Variants in LRRK2 observed in about 807,000 individuals in gnomAD.
LRRK2 encodes leucine rich repeat kinase 2.
Under a neutral mutation model 302.6 loss-of-function variants are expected in LRRK2, and 203 were observed. The ratio of observed to expected loss-of-function variants is 0.67; its 90% confidence interval spans 0.60 to 0.75. The LOEUF (loss-of-function observed/expected upper bound fraction) is 0.75, where lower values mean the gene tolerates loss of function less well. Ranked by LOEUF, LRRK2 falls within the 30% of genes least tolerant of loss-of-function variation. The probability of loss-of-function intolerance (pLI) is 0.00; values close to 1 mark genes in which losing one functional copy is unlikely to be tolerated. For missense variants in LRRK2, 2,830 were observed against 2,951.0 expected, an observed-to-expected ratio of 0.96 and a Z score of 0.95; for synonymous variants, 1,066 against 1,031.9, an observed-to-expected ratio of 1.03 and a Z score of -0.63.
At chr12:40,268,883 T>G (rs1943126455) in intron 14 of LRRK2, among the ~76,000 whole-genome samples, 1 of 152,014 alleles carries the variant, frequency 6.6e-6, no homozygotes, top group Non-Finnish European at 1.5e-5. Context: ...GGGAGGAAAA[T>G]AGATTACTCA....
intron 13 of LRRK2, among the ~76,000 whole-genome samples, 154 bp downstream of exon 13, chr12:40,259,758 T>G (rs948166923): frequency 6.6e-6 from 1 of 152,172 alleles, no homozygotes; most frequent in African/African-American, 2.4e-5. Flanking sequence ...TTAAATATGA[T>G]GCAGAAGAGT....
chr12:40,301,360 G>T (rs893567343), intron 25 of LRRK2, among the ~76,000 whole-genome samples: 6 of 152,092 alleles, frequency 3.9e-5, no homozygotes, highest in African/African-American at 1.4e-4. Flanking sequence ...GGAGTCAGAG[G>T]TTGCAGTGAG....
chr12:40,274,610 T>C lies in LRRK2; in HGVS notation c.1684T>C (p.Cys562Arg). 6.2e-7 allele frequency: 1 copy of C among 1,613,894 alleles called. No homozygotes were observed. The highest frequency in any genetic ancestry group is 8.5e-7 in the Non-Finnish European group (1 of 1,179,864). The change falls in exon 15 of 51, where the codon TGT becomes CGT. Residue 562 changes from cysteine (C) to arginine (R), a missense_variant. Transcript: ENST00000298910. The part of the protein sequence containing the change: ...RFIGNPGIQK[C>R]GLKVISSIVH... ...CATTGGAAATCCTGGGATTCAGAAATGTGGATTAAAAGTAATTTCTTCTAT... is the reference window on the plus strand; with the variant it reads ...CATTGGAAATCCTGGGATTCAGAAACGTGGATTAAAAGTAATTTCTTCTAT...
At chr12:40,328,500 T>C in intron 39 of LRRK2, 40 bp downstream of exon 39, 1 of 1,425,036 alleles carries the variant, frequency 7.0e-7, no homozygotes, top group Non-Finnish European at 9.8e-7. Context: ...AATTGCACAT[T>C]ATTAATCTAC....
At chr12:40,243,404 A>G in intron 6 of LRRK2, 146 bp from the exon 7 acceptor site, 2 of 814,326 alleles carry the variant, frequency 2.5e-6, no homozygotes, top group Non-Finnish European at 4.0e-6. Context: ...TATTTTTTAC[A>G]GCTACTTAAA....
chr12:40,319,948 A>G, intron 33 of LRRK2, 40 bp from the exon 34 acceptor site: 1 of 1,567,424 alleles, frequency 6.4e-7, no homozygotes, highest in Non-Finnish European at 8.7e-7. Flanking sequence ...ACATTTCAGA[A>G]AATAAATTTT....
At position 40,310,437 on chromosome 12, in the gene LRRK2, G is replaced by T. The variant is rs281865048; in HGVS notation, c.4324G>T (p.Ala1442Ser). 4 of 1,612,824 alleles carry T rather than the reference G, an allele frequency of 2.5e-6. No homozygotes were observed. Among genetic ancestry groups the T allele is most frequent in the Non-Finnish European group, 3.4e-6 (4 of 1,179,698 alleles). The change falls in exon 31 of 51, where the codon GCT becomes TCT. Residue 1442 changes from alanine (A) to serine (S), a missense_variant. Coordinates refer to ENST00000298910, the MANE Select transcript of LRRK2 (RefSeq NM_198578.4). ...TTTGTGTCTTTCCCTCCAGGCTCGC[G>T]CTTCTTCTTCCCCTGTGATTCTCGT... ...KPWLFNIKAR[A>S]SSSPVILVGT...
chr12:40,315,767 G>T (rs1945196439), intron 33 of LRRK2, among the ~76,000 whole-genome samples: 1 of 151,282 alleles, frequency 6.6e-6, no homozygotes, highest in African/African-American at 2.4e-5. Context: ...GATGGCCTTG[G>T]TTATAGCTAT....
intron 14 of LRRK2, among the ~76,000 whole-genome samples, chr12:40,268,545 T>C (rs1208938297): frequency 6.6e-6 from 1 of 152,168 alleles, no homozygotes; most frequent in Admixed American, 6.6e-5. Context: ...GATACATCTT[T>C]TTTGATGAAG....
At chr12:40,348,360 C>T in intron 42 of LRRK2, 49 bp from the exon 43 acceptor site, 1 of 1,260,932 alleles carries the variant, frequency 7.9e-7, no homozygotes, top group Non-Finnish European at 1.2e-6. Context: ...GGAAATATAA[C>T]CATTCTTACT....
At chr12:40,313,294 C>A (rs1320863680) in intron 31 of LRRK2, among the ~76,000 whole-genome samples, 1 of 151,850 alleles carries the variant, frequency 6.6e-6, no homozygotes, top group Admixed American at 6.6e-5. Context: ...CCTCTTAGGG[C>A]CATTCTTTAA....
chr12:40,225,064 C>G lies in LRRK2; in HGVS notation c.-68C>G. The G allele has an allele frequency of 1.2e-6, 2 of 1,601,186 alleles. No individual in the cohort carries two copies. The highest frequency in any genetic ancestry group is 2.2e-5 in the East Asian group (1 of 44,562). The stretch of plus-strand genomic sequence containing the variant: ...CGCCCCCGGGGAGCTGTGGCCGGCG[C>G]CCCTGCCGGTTCCCTGAGCAGCGGA... On this transcript the variant is annotated 5_prime_UTR_variant, in exon 1 of 51. Transcript: ENST00000298910.
chr12:40,261,607 C>G (rs1009890357), intron 13 of LRRK2, among the ~76,000 whole-genome samples: 1 of 152,096 alleles, frequency 6.6e-6, no homozygotes, highest in East Asian at 1.9e-4. Context: ...CTGTACCCAA[C>G]GTAATGTACC....
chr12:40,298,927 A>ACTATATATAATACTTATT (rs1565727388), intron 24 of LRRK2, among the ~76,000 whole-genome samples, 182 bp from the exon 25 acceptor site: 1 of 129,250 alleles, frequency 7.7e-6, no homozygotes, highest in African/African-American at 2.9e-5. Flanking sequence ...TTATATATAT[A>ACTATATATAATACTTATT]ATAAAAGACC....
intron 25 of LRRK2, among the ~76,000 whole-genome samples, chr12:40,302,356 A>G (rs2136771778): frequency 1.3e-5 from 2 of 152,224 alleles, no homozygotes; most frequent in East Asian, 3.9e-4. Flanking sequence ...AACACTCTTT[A>G]TGAGCTAGTA....
At chr12:40,333,892 G>A (rs1458468911) in intron 39 of LRRK2, among the ~76,000 whole-genome samples, 1 of 152,112 alleles carries the variant, frequency 6.6e-6, no homozygotes, top group Non-Finnish European at 1.5e-5. Context: ...GGGATTGAAT[G>A]AATGCCAATG....
chr12:40,254,891 C>T (rs780486707), intron 11 of LRRK2, among the ~76,000 whole-genome samples: 5 of 152,066 alleles, frequency 3.3e-5, no homozygotes, highest in African/African-American at 9.7e-5. Flanking sequence ...TTGAGTAGCT[C>T]GTTCATCAAC....
At chr12:40,276,495 C>T (rs577848088) in intron 16 of LRRK2, among the ~76,000 whole-genome samples, 16 of 152,120 alleles carry the variant, frequency 1.1e-4, no homozygotes, top group African/African-American at 3.4e-4. Context: ...GGGGTTTCGC[C>T]GTGTTGGCCA....
At chr12:40,348,808 A>T (rs989321858) in intron 43 of LRRK2, among the ~76,000 whole-genome samples, 1 of 152,008 alleles carries the variant, frequency 6.6e-6, no homozygotes, top group African/African-American at 2.4e-5. Flanking sequence ...AAAAATTTTT[A>T]TATATAACAT....
Sources: gnomAD v4.1 joint callset for allele counts (sites outside exome capture counted in the v4.1 genomes callset) on GRCh38, gnomAD v4.1.1 for gene constraint, MANE v1.5 for transcripts, NCBI Gene and HGNC (gene_info 2026-07-23, HGNC 2026-07-21) for gene names.